TDRD10: variants seen among roughly 807,000 people sequenced by gnomAD.
TDRD10 encodes the protein tudor domain containing 10, also known as tudor domain-containing protein 10.
Under a neutral mutation model 48.0 loss-of-function variants are expected in TDRD10, and 40 were observed. The observed-to-expected ratio is 0.83, with a 90% CI of 0.65 to 1.09. TDRD10 has a LOEUF of 1.09. Ranked by LOEUF, TDRD10 falls within the 50% of genes least tolerant of loss-of-function variation. TDRD10 has a pLI of 0.00. For missense variants in TDRD10, 378 were observed against 434.7 expected, an observed-to-expected ratio of 0.87 and a Z score of 1.16; for synonymous variants, 162 against 170.4, an observed-to-expected ratio of 0.95 and a Z score of 0.38.
At chr1:154,506,451 C>T (rs1693161090) in intron 1 of TDRD10, among the ~76,000 whole-genome samples, 1 of 151,728 alleles carries the variant, frequency 6.6e-6, no homozygotes, top group Admixed American at 6.6e-5. Flanking sequence ...TCTCAGCTCA[C>T]TGCAACCTCT....
rs749321342 is a variant in TDRD10 at position 154,544,458 on chromosome 1, G to A, written c.738G>A (p.Met246Ile). ...CCTACCTGGAGGGCTCCACCGTTAT[G>A]CGCGGGACTCGCTGTCTGGCAGAGT... Reference protein sequence around the residue: ...QQPYLEGSTVMRGTRCLAEYH... With the variant: ...QQPYLEGSTVIRGTRCLAEYH... The change falls in exon 10 of 13, where the codon ATG becomes ATA. Residue 246 changes from methionine to isoleucine, a missense_variant. This residue lies in a region of TDRD10 where 310 missense variants were observed against 323.6 expected (regional missense o/e 0.96). Transcript: ENST00000368482. 4 of 1,613,028 alleles carry A rather than the reference G, an allele frequency of 2.5e-6. No homozygotes were observed. Among genetic ancestry groups the A allele is most frequent in the Non-Finnish European group, 3.4e-6 (4 of 1,179,808 alleles).
At chr1:154,509,780 T>TC (rs1693346214) in intron 4 of TDRD10, 2 of 985,216 alleles carry the variant, frequency 2.0e-6, no homozygotes, top group Non-Finnish European at 2.4e-6. Flanking sequence ...CTGGTTTTCC[T>TC]CCCCCATTTT....
intron 8 of TDRD10, among the ~76,000 whole-genome samples, chr1:154,543,344 C>G (rs935378707): frequency 6.6e-6 from 1 of 152,138 alleles, no homozygotes; most frequent in Non-Finnish European, 1.5e-5. Flanking sequence ...GGCCTGTGAC[C>G]GTCCCCTGCC....
intron 6 of TDRD10, among the ~76,000 whole-genome samples, chr1:154,533,692 C>A: frequency 6.6e-6 from 1 of 151,682 alleles, no homozygotes; most frequent in East Asian, 1.9e-4. Context: ...GACTGGAGTG[C>A]AGTGGTGTGA....
chr1:154,532,973 C>CG, intron 6 of TDRD10, among the ~76,000 whole-genome samples: 1 of 152,000 alleles, frequency 6.6e-6, no homozygotes, highest in East Asian at 1.9e-4. Flanking sequence ...TTCTGACACC[C>CG]CCCCCAGTAG....
intron 6 of TDRD10, among the ~76,000 whole-genome samples, chr1:154,522,865 G>A (rs1217101336): frequency 6.6e-6 from 1 of 152,004 alleles, no homozygotes; most frequent in Non-Finnish European, 1.5e-5. Flanking sequence ...TGCAAATTTA[G>A]CATCCATGTG....
intron 4 of TDRD10, among the ~76,000 whole-genome samples, chr1:154,517,579 C>T (rs767006923): frequency 2.6e-5 from 4 of 152,032 alleles, no homozygotes; most frequent in Admixed American, 6.6e-5. Flanking sequence ...TCCGCCACCA[C>T]GCCTGGCTAA....
chr1:154,519,223 A>G (rs1391409020), intron 4 of TDRD10, among the ~76,000 whole-genome samples: 2 of 152,262 alleles, frequency 1.3e-5, no homozygotes, highest in African/African-American at 2.4e-5. Flanking sequence ...TTTTAGATTC[A>G]TGTGTAATAA....
chr1:154,520,467 C>T, intron 5 of TDRD10, 93 bp downstream of exon 5: 1 of 956,774 alleles, frequency 1.0e-6, no homozygotes, highest in Non-Finnish European at 1.7e-6. Context: ...ACTAGCCCAG[C>T]AACCGCCACG....
chr1:154,507,495 C>T (rs1435886710), intron 3 of TDRD10, among the ~76,000 whole-genome samples, 175 bp downstream of exon 3: 1 of 151,894 alleles, frequency 6.6e-6, no homozygotes, highest in African/African-American at 2.4e-5. Flanking sequence ...GATGTGGCGC[C>T]TGCCACTGCT....
chr1:154,528,597 T>G (rs1017002335), intron 6 of TDRD10, among the ~76,000 whole-genome samples: 3 of 152,166 alleles, frequency 2.0e-5, no homozygotes, highest in African/African-American at 7.2e-5. Context: ...TCCCAGCACT[T>G]TGGGAGGCTG....
chr1:154,540,528 A>AAAAAC, intron 6 of TDRD10, among the ~76,000 whole-genome samples: 1 of 132,002 alleles, frequency 7.6e-6, no homozygotes, highest in African/African-American at 2.6e-5. Flanking sequence ...AAAAAAAAAA[A>AAAAAC]AATGCCGTTC....
Position 154,547,393 on chromosome 1 carries a change from G to T in TDRD10, c.953-16G>T. On this transcript the variant is annotated splice_polypyrimidine_tract_variant and intron_variant, in intron 11 of 12. Coordinates refer to ENST00000368482, the MANE Select transcript of TDRD10 (RefSeq NM_182499.4). ...CCCGTGCCACTGAGGTTTTGTTGTT[G>T]TGTCTTGTTTTGCAGACATTTTGAG... is the stretch of plus-strand genomic sequence containing the variant. 6.2e-7 allele frequency: 1 copy of T among 1,614,120 alleles called. No individual in the cohort carries two copies. Among genetic ancestry groups the T allele is most frequent in the East Asian group, 2.2e-5 (1 of 44,874 alleles).
At chr1:154,524,873 G>A (rs1570935215) in intron 6 of TDRD10, among the ~76,000 whole-genome samples, 2 of 152,120 alleles carry the variant, frequency 1.3e-5, no homozygotes. Context: ...CCCACACCAC[G>A]GACAGCTTAG....
At chr1:154,546,387 A>G (rs2149357882) in intron 11 of TDRD10, among the ~76,000 whole-genome samples, 1 of 140,828 alleles carries the variant, frequency 7.1e-6, no homozygotes, top group East Asian at 2.0e-4. Flanking sequence ...ATATATATAT[A>G]TAAAATATAT....
Position 154,547,947 on chromosome 1 carries a change from G to C in TDRD10, c.*237G>C, listed in dbSNP as rs1351313677. Reference sequence around the variant, plus strand: ...GCATGAACATTTGAACCAAACATAGGAAACTACCATTAGGTTGAAAGCCTG... The same window carrying C: ...GCATGAACATTTGAACCAAACATAGCAAACTACCATTAGGTTGAAAGCCTG... On this transcript the variant is annotated 3_prime_UTR_variant, in exon 13 of 13. Transcript: ENST00000368482. 5.1e-6 allele frequency: 3 copies of C among 587,190 alleles called. No individual in the cohort carries two copies. In the South Asian group the frequency reaches 6.5e-5, roughly 13 times the overall value. 36.4% of individuals were successfully genotyped at this position (587,190 alleles called of 1,614,324 possible). A position where few individuals can be genotyped will look rare whatever the true frequency, so the allele number is the denominator to read the frequency against.
chr1:154,544,610 T>G, intron 10 of TDRD10, 93 bp downstream of exon 10: 1 of 1,506,334 alleles, frequency 6.6e-7, no homozygotes, highest in Non-Finnish European at 8.9e-7. Flanking sequence ...CTGGTTTTTT[T>G]TCCTGTGGCT....
chr1:154,542,931 A>T, intron 8 of TDRD10, 110 bp downstream of exon 8: 1 of 827,124 alleles, frequency 1.2e-6, no homozygotes, highest in Non-Finnish European at 1.9e-6. Flanking sequence ...GTTTTCGGGA[A>T]CTCCTGTGTC....
At chr1:154,527,775 G>T (rs577325355) in intron 6 of TDRD10, among the ~76,000 whole-genome samples, 1 of 152,338 alleles carries the variant, frequency 6.6e-6, no homozygotes, top group Non-Finnish European at 1.5e-5. Flanking sequence ...ATCAGGAAAG[G>T]TGTCATAGAC....
Sources: gnomAD v4.1 joint callset for allele counts (sites outside exome capture counted in the v4.1 genomes callset) on GRCh38, gnomAD v4.1.1 for gene constraint, gnomAD v4.1.1 regional missense constraint, MANE v1.5 for transcripts, NCBI Gene and HGNC (gene_info 2026-07-23, HGNC 2026-07-21) for gene names.